Variants in DDAH1 observed in about 807,000 individuals in gnomAD.
The protein encoded by DDAH1 is dimethylarginine dimethylaminohydrolase 1.
DDAH1 carries 19 observed loss-of-function variants against 28.8 expected under a neutral mutation model. The observed-to-expected ratio is 0.66, with a 90% confidence interval of 0.46 to 0.97. The LOEUF is 0.97. Among genes scored for constraint, DDAH1 ranks in the 50% least tolerant of loss-of-function variants. The pLI, the probability that DDAH1 is intolerant of heterozygous loss-of-function variation, is 0.00. For synonymous variants in DDAH1, 153 were observed against 154.4 expected (o/e 0.99, Z 0.07); for missense variants, 326 against 375.9 (o/e 0.87, Z 1.10).
chr1:85,438,576 G>T (rs1425177957), intron 1 of DDAH1, among the ~76,000 whole-genome samples: 1 of 152,198 alleles, frequency 6.6e-6, no homozygotes, highest in Non-Finnish European at 1.5e-5. Flanking sequence ...AGGGTCAACT[G>T]TATTCTAGTC....
At chr1:85,568,846 C>G (rs1659377090) in intron 1 of DDAH1, among the ~76,000 whole-genome samples, 1 of 152,188 alleles carries the variant, frequency 6.6e-6, no homozygotes, top group Non-Finnish European at 1.5e-5. Flanking sequence ...AAGAAGACTT[C>G]ACCCCAGTGT....
intron 4 of DDAH1, among the ~76,000 whole-genome samples, chr1:85,325,227 G>A (rs1647297400): frequency 6.6e-6 from 1 of 152,186 alleles, no homozygotes; most frequent in Non-Finnish European, 1.5e-5. Context: ...CAGGGGTTTT[G>A]ATATCTTTGG....
chr1:85,468,404 A>G (rs1557665767), upstream of DDAH1, among the ~76,000 whole-genome samples: 1 of 152,188 alleles, frequency 6.6e-6, no homozygotes, highest in Non-Finnish European at 1.5e-5. Context: ...AAGAGGTTTA[A>G]TGGACTTACG....
intron 1 of DDAH1, among the ~76,000 whole-genome samples, chr1:85,555,230 G>A (rs57475366): frequency 0.054 from 8,259 of 152,278 alleles, 715 homozygotes; most frequent in African/African-American, 0.19. Context: ...TAGTGGATTC[G>A]ACTTGAACAT....
At chr1:85,481,634 G>A (rs1656019070) in intron 2 of DDAH1, among the ~76,000 whole-genome samples, 1 of 152,284 alleles carries the variant, frequency 6.6e-6, no homozygotes, top group South Asian at 2.1e-4. Context: ...TTACCATGCA[G>A]ACTGAAATAC....
chr1:85,548,878 C>T (rs1658706814), intron 1 of DDAH1, among the ~76,000 whole-genome samples: 1 of 152,298 alleles, frequency 6.6e-6, no homozygotes, highest in East Asian at 1.9e-4. Flanking sequence ...CTGGATCACA[C>T]AAAATGAAAC....
chr1:85,510,627 T>A (rs1557706795), intron 1 of DDAH1, among the ~76,000 whole-genome samples: 1 of 151,984 alleles, frequency 6.6e-6, no homozygotes, highest in Non-Finnish European at 1.5e-5. Context: ...AAGATGCACA[T>A]AGACTCGAAA....
chr1:85,353,492 A>G (rs1056921138), intron 2 of DDAH1, among the ~76,000 whole-genome samples: 6 of 152,288 alleles, frequency 3.9e-5, no homozygotes, highest in African/African-American at 1.2e-4. Flanking sequence ...TTGTTGGCAG[A>G]CACAGGAATC....
In DDAH1 at chr1:85,460,888, A is replaced by G. The variant is rs140257658; in HGVS notation, c.303+3855T>C. 2.0e-5 allele frequency among the ~76,000 whole-genome samples: 3 copies of G among 152,298 alleles called. No homozygotes were observed. The East Asian group carries it at 5.8e-4, about 29-fold the overall frequency. ...CAAAAGTTTTAATTTAAAAAATTCA[A>G]TCCTCACACCCTGTTATTTCTCCTA... On this transcript the variant is annotated intron_variant, in intron 1 of 5. Coordinates refer to ENST00000284031, the MANE Select transcript of DDAH1 (RefSeq NM_012137.4).
intron 1 of DDAH1, among the ~76,000 whole-genome samples, chr1:85,377,579 T>C (rs1192510583): frequency 6.6e-6 from 1 of 152,164 alleles, no homozygotes; most frequent in Non-Finnish European, 1.5e-5. Context: ...TCAAAGTTAA[T>C]GGTCTAGGTG....
At chr1:85,424,843 C>A (rs1653318508) in intron 1 of DDAH1, among the ~76,000 whole-genome samples, 1 of 151,902 alleles carries the variant, frequency 6.6e-6, no homozygotes, top group Non-Finnish European at 1.5e-5. Context: ...GAGAAAATGA[C>A]CTTTGGCTTT....
intron 1 of DDAH1, among the ~76,000 whole-genome samples, chr1:85,369,274 C>T (rs569202140): frequency 7.5e-5 from 11 of 147,322 alleles, no homozygotes; most frequent in African/African-American, 2.0e-4. Flanking sequence ...TGCCCAGGCT[C>T]GGGGCATTCT....
At chr1:85,437,387 A>C (rs1653990389) in intron 1 of DDAH1, among the ~76,000 whole-genome samples, 1 of 152,064 alleles carries the variant, frequency 6.6e-6, no homozygotes, top group Non-Finnish European at 1.5e-5. Flanking sequence ...TTATATGCAG[A>C]TCTTCTTCTG....
intron 1 of DDAH1, among the ~76,000 whole-genome samples, chr1:85,454,172 T>C (rs1489377265): frequency 2.0e-5 from 3 of 152,216 alleles, no homozygotes; most frequent in Non-Finnish European, 2.9e-5. Context: ...AGGAAAACTA[T>C]GCTTTCCTGT....
intron 5 of DDAH1, among the ~76,000 whole-genome samples, chr1:85,323,785 A>G (rs1274037408): frequency 6.6e-6 from 1 of 151,902 alleles, no homozygotes. Context: ...AGCTTGGGCA[A>G]CATAAGGAGA....
chr1:85,474,246 T>C (rs1312572582), intron 2 of DDAH1, among the ~76,000 whole-genome samples: 1 of 152,242 alleles, frequency 6.6e-6, no homozygotes, highest in Non-Finnish European at 1.5e-5. Context: ...GTTTCCTAGA[T>C]TACTGCAACA....
At chr1:85,412,818 TG>T (rs1449953124) in intron 1 of DDAH1, among the ~76,000 whole-genome samples, 4 of 152,046 alleles carry the variant, frequency 2.6e-5, no homozygotes, top group Non-Finnish European at 5.9e-5. Flanking sequence ...CTGAGTAACA[TG>T]GCAAGACCTT....
intron 1 of DDAH1, among the ~76,000 whole-genome samples, chr1:85,461,735 T>A (rs914572075): frequency 6.6e-6 from 1 of 152,180 alleles, no homozygotes; most frequent in African/African-American, 2.4e-5. Flanking sequence ...AATACAGACA[T>A]GATCCTAGCC....
At chr1:85,414,809 AAAC>A (rs1167313403) in intron 1 of DDAH1, among the ~76,000 whole-genome samples, 10 of 152,142 alleles carry the variant, frequency 6.6e-5, no homozygotes, top group African/African-American at 2.2e-4. Flanking sequence ...GGATGTACTC[AAAC>A]AACATTTGAT....
Sources: allele counts gnomAD v4.1 joint callset (sites outside exome capture counted in the v4.1 genomes callset), GRCh38; gene constraint gnomAD v4.1.1; transcripts MANE v1.5; gene names NCBI Gene and HGNC (gene_info 2026-07-23, HGNC 2026-07-21).